The following REV3L variants were observed in gnomAD, a reference collection of about 807,000 sequenced individuals.
REV3L encodes REV3 like, DNA directed polymerase zeta catalytic subunit.
REV3L carries 69 observed loss-of-function variants against 299.4 expected under a neutral mutation model. The observed-to-expected ratio is 0.23, with a 90% CI of 0.19 to 0.28. The LOEUF (loss-of-function observed/expected upper bound fraction) is 0.28, where lower values mean the gene tolerates loss of function less well. REV3L is among the 10% of genes least tolerant of loss of function. The pLI is 1.00. For missense variants in REV3L, 3,128 were observed against 3,693.8 expected (o/e 0.85, Z 3.97); for synonymous variants, 1,238 against 1,271.4 (o/e 0.97, Z 0.56).
chr6:111,417,310 T>C (rs749059622), intron 1 of REV3L, among the ~76,000 whole-genome samples: 8 of 152,076 alleles, frequency 5.3e-5, no homozygotes, highest in Non-Finnish European at 1.2e-4. Context: ...GTAACAACAA[T>C]GGCAACAAAA....
chr6:111,307,036 A>C (rs1207354226), intron 31 of REV3L, among the ~76,000 whole-genome samples: 1 of 150,588 alleles, frequency 6.6e-6, no homozygotes, highest in Admixed American at 6.6e-5. Flanking sequence ...AAAAACTTTC[A>C]GTTTTGGAGC....
At chr6:111,354,725 T>C (rs1441874556) in intron 18 of REV3L, among the ~76,000 whole-genome samples, 2 of 152,176 alleles carry the variant, frequency 1.3e-5, no homozygotes, top group South Asian at 2.1e-4. Context: ...ATCAGGTTTC[T>C]GAAAGTTACA....
chr6:111,438,833 G>A (rs1474115421), intron 1 of REV3L, among the ~76,000 whole-genome samples: 1 of 152,052 alleles, frequency 6.6e-6, no homozygotes, highest in African/African-American at 2.4e-5. Context: ...AAAATCCAAA[G>A]TCCAAAGCTT....
intron 25 of REV3L, among the ~76,000 whole-genome samples, chr6:111,323,455 T>C (rs1362133576): frequency 6.6e-6 from 1 of 151,938 alleles, no homozygotes; most frequent in African/African-American, 2.4e-5. Context: ...TGTCACTAGT[T>C]ATACAAAGAA....
intron 1 of REV3L, among the ~76,000 whole-genome samples, chr6:111,434,285 G>GA (rs771767354): frequency 3.1e-4 from 47 of 152,106 alleles, no homozygotes; most frequent in Admixed American, 5.2e-4. Context: ...CTTATACTCA[G>GA]AAAAGCCTGA....
chr6:111,410,007 G>A (rs17072683), intron 3 of REV3L, among the ~76,000 whole-genome samples: 8,534 of 152,220 alleles, frequency 0.056, 277 homozygotes, highest in Middle Eastern at 0.085. Context: ...CTTCCACAGA[G>A]CATCAAGTAA....
At chr6:111,311,809 AT>A (rs34291181) in intron 28 of REV3L, 55,143 of 143,176 alleles carry the variant, frequency 0.39, 12,021 homozygotes, top group Non-Finnish European at 0.52. Context: ...TGTAAGATTA[AT>A]TTTTTTTTTT....
intron 27 of REV3L, among the ~76,000 whole-genome samples, chr6:111,314,299 C>T (rs1357288705): frequency 6.6e-6 from 1 of 152,192 alleles, no homozygotes; most frequent in East Asian, 1.9e-4. Flanking sequence ...GTGACTTTGA[C>T]ATTCTTCCTA....
chr6:111,322,897 A>G (rs1289805721), intron 25 of REV3L, among the ~76,000 whole-genome samples: 1 of 152,222 alleles, frequency 6.6e-6, no homozygotes, highest in African/African-American at 2.4e-5. Context: ...TCAATATACA[A>G]ACTTGTCTTT....
rs183114567 is a variant in REV3L at position 111,373,140 on chromosome 6, G to A, written c.5215C>T (p.Arg1739Cys). 2.2e-4 allele frequency: 359 copies of A among 1,614,102 alleles called. No individual in the cohort carries two copies. The highest frequency in any genetic ancestry group is 6.7e-5 in the East Asian group (3 of 44,878). ...CTATTTTTCCACTGGTTGTGGCGAC[G>A]ATTCTCATTGCTATCTATGGTTGAC... The part of the protein sequence containing the change: ...EKSTIDSNEN[R>C]RHNQWKNSFH... The change falls in exon 13 of 32, where the codon CGT (arginine) becomes TGT (cysteine). Residue 1739 changes from arginine (R) to cysteine (C), a missense_variant. By Grantham distance (180) the Arg-to-Cys change is radical. Transcript: ENST00000368802.
At chr6:111,315,906 T>C (rs1156726594) in intron 26 of REV3L, among the ~76,000 whole-genome samples, 4 of 152,086 alleles carry the variant, frequency 2.6e-5, no homozygotes, top group Non-Finnish European at 4.4e-5. Context: ...TGCGGAAAAA[T>C]TGTCTTCCAT....
chr6:111,300,136 A>G lies in REV3L; in HGVS notation c.9273T>C (p.Gly3091=), dbSNP rs373656157. Residue 3091 remains glycine (G), a synonymous_variant, in exon 32 of 32, where the codon GGT becomes GGC. Coordinates refer to ENST00000368802, the MANE Select transcript of REV3L (RefSeq NM_001372078.1). The part of the protein sequence containing the change: ...QLVKICKNCT[G]CFDRHIPCVS... ...CACATGGGATGTGTCGATCAAAGCA[A>G]CCTGTACAGTTCTTGCATATCTGAA... 17 of 1,609,388 alleles carry G rather than the reference A, an allele frequency of 1.1e-5. No homozygotes were observed. The highest frequency in any genetic ancestry group is 5.6e-5 in the South Asian group (5 of 89,936).
In REV3L at chr6:111,482,853, G is replaced by A. The variant is rs749424420; in HGVS notation, c.36C>T (p.Tyr12=). 3.3e-6 allele frequency: 5 copies of A among 1,520,090 alleles called. No individual in the cohort carries two copies. Among genetic ancestry groups the A allele is most frequent in the Admixed American group, 2.4e-5 (1 of 41,040 alleles). 94.2% of individuals were successfully genotyped at this position (1,520,090 alleles called of 1,614,324 possible). A position where few individuals can be genotyped will look rare whatever the true frequency, so the allele number is the denominator to read the frequency against. The stretch of plus-strand genomic sequence containing the variant: ...CCAGCCCCTGCAGCGGGCTGGCCAT[G>A]TAGTAGTCTGCAGTCACTATCCTTA... The part of the protein sequence containing the change: ...FSVRIVTADY[Y]MASPLQGLDT... Residue 12 remains tyrosine, a synonymous_variant, in exon 1 of 32, where the codon TAC becomes TAT. Transcript: ENST00000368802.
In REV3L at chr6:111,405,462, A is replaced by G; in HGVS notation, c.565+8T>C. The G allele has an allele frequency of 1.3e-6, 2 of 1,586,956 alleles. No homozygotes were observed. Among genetic ancestry groups the G allele is most frequent in the Non-Finnish European group, 1.7e-6 (2 of 1,168,844 alleles). ...CAAAAATTTAATTTGACTGAAAATT[A>G]ACCTTACTTTTCCTTCTTGCTTTTC... On this transcript the variant is annotated splice_region_variant and intron_variant, in intron 4 of 31. Coordinates refer to ENST00000368802, the MANE Select transcript of REV3L (RefSeq NM_001372078.1).
chr6:111,324,046 C>G (rs1197692131), intron 25 of REV3L, among the ~76,000 whole-genome samples: 1 of 152,190 alleles, frequency 6.6e-6, no homozygotes, highest in Non-Finnish European at 1.5e-5. Context: ...GTCACCCAGG[C>G]TGGAGTGCAG....
At chr6:111,366,377 G>A (rs1183043382) in intron 14 of REV3L, among the ~76,000 whole-genome samples, 1 of 152,130 alleles carries the variant, frequency 6.6e-6, no homozygotes, top group Non-Finnish European at 1.5e-5. Context: ...TAGTAATCCT[G>A]TAGACAGGAA....
chr6:111,413,090 G>C (rs1784408833), intron 2 of REV3L, among the ~76,000 whole-genome samples: 1 of 151,980 alleles, frequency 6.6e-6, no homozygotes, highest in Non-Finnish European at 1.5e-5. Context: ...CTATTTTGTT[G>C]CCATGAAGAA....
chr6:111,318,518 T>A (rs1027706541), intron 26 of REV3L, among the ~76,000 whole-genome samples: 3 of 152,200 alleles, frequency 2.0e-5, no homozygotes, highest in Non-Finnish European at 2.9e-5. Context: ...AACTGCCAAC[T>A]TTTTATGAAA....
rs9487630 is a variant in REV3L at position 111,412,813 on chromosome 6, A to G, written c.330-1259T>C. Among the ~76,000 whole-genome samples the G allele has an allele frequency of 3.6e-3, 550 of 151,218 alleles. 3 individuals carry two copies. Among genetic ancestry groups the G allele is most frequent in the African/African-American group, 0.013 (531 of 41,284 alleles). On this transcript the variant is annotated intron_variant, in intron 2 of 31. Coordinates refer to ENST00000368802, the MANE Select transcript of REV3L (RefSeq NM_001372078.1). ...TTTACCAAGGTCTAAAGGGTTCCTC[A>G]TCTCATCCTTGCCTCTCACTCCAAT...
Sources: allele counts gnomAD v4.1 joint callset (sites outside exome capture counted in the v4.1 genomes callset), GRCh38; gene constraint gnomAD v4.1.1; transcripts MANE v1.5; gene names NCBI Gene and HGNC (gene_info 2026-07-23, HGNC 2026-07-21).